The following TBC1D23 variants were observed in gnomAD, a reference collection of about 807,000 sequenced individuals.
The protein encoded by TBC1D23 is TBC1 domain family member 23.
Under a neutral mutation model 91.4 loss-of-function variants are expected in TBC1D23, and 55 were observed. The ratio of observed to expected loss-of-function variants is 0.60; its 90% CI spans 0.48 to 0.75. The LOEUF is 0.75. TBC1D23 is among the 30% of genes least tolerant of loss of function. TBC1D23 has a pLI of 0.00. For synonymous variants in TBC1D23, 289 were observed against 281.0 expected (o/e 1.03, Z -0.28); for missense variants, 725 against 836.1 (o/e 0.87, Z 1.64).
chr3:100,295,987 CAA>C (rs1334133883), intron 7 of TBC1D23, among the ~76,000 whole-genome samples, 183 bp from the exon 8 acceptor site: 12 of 152,176 alleles, frequency 7.9e-5, no homozygotes, highest in African/African-American at 2.4e-4. Flanking sequence ...CCTTCACTGA[CAA>C]GAGATTTACA....
At chr3:100,263,931 CTT>C (rs1324058180) in intron 1 of TBC1D23, among the ~76,000 whole-genome samples, 1 of 152,072 alleles carries the variant, frequency 6.6e-6, no homozygotes, top group African/African-American at 2.4e-5. Flanking sequence ...TTTGGTGTGT[CTT>C]TGTATTTTTG....
chr3:100,315,267 G>A (rs1705716947), intron 15 of TBC1D23, among the ~76,000 whole-genome samples: 1 of 146,192 alleles, frequency 6.8e-6, no homozygotes, highest in African/African-American at 2.5e-5. Context: ...GGTTCAAGTG[G>A]TTCTCCCGCC....
At chr3:100,310,600 TC>T (rs1320641676) in intron 14 of TBC1D23, 58 bp downstream of exon 14, 5 of 1,334,852 alleles carry the variant, frequency 3.7e-6, no homozygotes, top group Non-Finnish European at 5.1e-6. Context: ...AGAAACAATG[TC>T]TTAGAGTAAG....
chr3:100,270,249 G>T (rs2067589903), intron 1 of TBC1D23, among the ~76,000 whole-genome samples: 1 of 152,146 alleles, frequency 6.6e-6, no homozygotes, highest in African/African-American at 2.4e-5. Flanking sequence ...TTGAATAAAA[G>T]AATACTTATG....
chr3:100,315,790 C>A, intron 15 of TBC1D23: 1 of 312,222 alleles, frequency 3.2e-6, no homozygotes, highest in Non-Finnish European at 6.1e-6. Flanking sequence ...GGCTAAATAA[C>A]TTCCGCAAGG....
chr3:100,283,853 C>A, intron 4 of TBC1D23, 42 bp downstream of exon 4: 1 of 1,329,028 alleles, frequency 7.5e-7, no homozygotes, highest in Non-Finnish European at 1.1e-6. Context: ...AAAGTGAATA[C>A]AGGCCTGGTT....
intron 5 of TBC1D23, among the ~76,000 whole-genome samples, chr3:100,293,178 G>C (rs1160419951): frequency 6.6e-6 from 1 of 151,940 alleles, no homozygotes; most frequent in East Asian, 1.9e-4. Context: ...CTTTCACCCA[G>C]ACTGGAGTGC....
chr3:100,299,573 G>A (rs750149160), intron 10 of TBC1D23, among the ~76,000 whole-genome samples: 10 of 152,214 alleles, frequency 6.6e-5, no homozygotes, highest in East Asian at 3.9e-4. Context: ...GCAATGGTGC[G>A]ATCTCGGCTC....
At chr3:100,291,828 C>G (rs537767287) in intron 5 of TBC1D23, among the ~76,000 whole-genome samples, 20 of 130,152 alleles carry the variant, frequency 1.5e-4, no homozygotes, top group Non-Finnish European at 2.7e-4. Context: ...GAGTTTCACT[C>G]TTGTCGCCTA....
chr3:100,318,987 C>T, intron 16 of TBC1D23, 82 bp from the exon 17 acceptor site: 1 of 906,606 alleles, frequency 1.1e-6, no homozygotes. Flanking sequence ...CAAAATACTA[C>T]TGAAATTTTT....
At chr3:100,321,136 G>T (rs1249331914) in intron 18 of TBC1D23, among the ~76,000 whole-genome samples, 165 bp downstream of exon 18, 1 of 152,158 alleles carries the variant, frequency 6.6e-6, no homozygotes, top group Non-Finnish European at 1.5e-5. Context: ...CCTTAGTCAT[G>T]TGTGGTTTAG....
chr3:100,314,256 A>G (rs943571366), intron 15 of TBC1D23, among the ~76,000 whole-genome samples: 3 of 151,570 alleles, frequency 2.0e-5, no homozygotes, highest in Admixed American at 1.3e-4. Context: ...GTGCCACCAC[A>G]CCCAGCTGAT....
chr3:100,302,654 T>C (rs1034446794), intron 11 of TBC1D23, among the ~76,000 whole-genome samples: 1 of 152,178 alleles, frequency 6.6e-6, no homozygotes, highest in Non-Finnish European at 1.5e-5. Flanking sequence ...TGGCGCCATC[T>C]TGACTCAGTG....
rs554368459 is a variant in TBC1D23 at position 100,275,877 on chromosome 3, A to C, written c.54-3772A>C. ...CATGCTACATTATGGATAGATGTTG[A>C]AATGTTATGCTAAATGAAACCAGGC... On this transcript the variant is annotated intron_variant, in intron 1 of 18. Coordinates refer to ENST00000394144, the MANE Select transcript of TBC1D23 (RefSeq NM_001199198.3). 3.3e-5 allele frequency among the ~76,000 whole-genome samples: 5 copies of C among 152,310 alleles called. No homozygotes were observed. The South Asian group carries it at 1.0e-3, about 32-fold the overall frequency.
chr3:100,323,078 T>C (rs1705891751), intron 18 of TBC1D23, among the ~76,000 whole-genome samples: 2 of 152,232 alleles, frequency 1.3e-5, no homozygotes, highest in South Asian at 4.1e-4. Context: ...CATTTTATTA[T>C]GTACATAACC....
At chr3:100,310,254 A>C in intron 13 of TBC1D23, 149 bp from the exon 14 acceptor site, 1 of 696,840 alleles carries the variant, frequency 1.4e-6, no homozygotes, top group East Asian at 2.6e-5. Context: ...CTCCAAATAC[A>C]GTCACATTCT....
chr3:100,316,366 A>G (rs145848848), intron 16 of TBC1D23, among the ~76,000 whole-genome samples, 179 bp downstream of exon 16: 6 of 152,266 alleles, frequency 3.9e-5, no homozygotes, highest in Non-Finnish European at 8.8e-5. Context: ...TGTTGTACGT[A>G]TTAGAAATCC....
intron 1 of TBC1D23, among the ~76,000 whole-genome samples, chr3:100,266,210 T>G (rs2067556231): frequency 6.6e-6 from 1 of 151,900 alleles, no homozygotes; most frequent in Admixed American, 6.6e-5. Flanking sequence ...TGAAAAAGAC[T>G]TATTTTATAC....
At chr3:100,317,014 CG>C (rs2148872465) in intron 16 of TBC1D23, among the ~76,000 whole-genome samples, 1 of 150,098 alleles carries the variant, frequency 6.7e-6, no homozygotes, top group East Asian at 2.0e-4. Flanking sequence ...ACCCAGGAGG[CG>C]GAGGTGCAGT....
Sources: allele counts gnomAD v4.1 joint callset (sites outside exome capture counted in the v4.1 genomes callset), GRCh38; gene constraint gnomAD v4.1.1; transcripts MANE v1.5; gene names NCBI Gene and HGNC (gene_info 2026-07-23, HGNC 2026-07-21).